Variants in UBL3 observed in about 807,000 individuals in gnomAD.
UBL3 encodes the protein ubiquitin-like protein 3.
UBL3 carries 6 observed loss-of-function variants against 18.4 expected under a neutral mutation model. The observed-to-expected ratio is 0.33, with a 90% CI of 0.18 to 0.64. UBL3 has a LOEUF of 0.64. Among genes scored for constraint, UBL3 ranks in the 30% least tolerant of loss-of-function variants. UBL3 has a pLI of 0.76. For synonymous variants in UBL3, 49 were observed against 46.6 expected, an observed-to-expected ratio of 1.05 and a Z score of -0.21; for missense variants, 109 against 142.9, an observed-to-expected ratio of 0.76 and a Z score of 1.21.
intron 2 of UBL3, among the ~76,000 whole-genome samples, chr13:29,772,471 A>G (rs1876869117): frequency 6.6e-6 from 1 of 152,246 alleles, no homozygotes; most frequent in Middle Eastern, 3.4e-3. Context: ...TAAAGTTAAT[A>G]CAAATGAGTT....
At chr13:29,829,383 C>T (rs1443088377) in intron 1 of UBL3, among the ~76,000 whole-genome samples, 1 of 152,254 alleles carries the variant, frequency 6.6e-6, no homozygotes, top group Non-Finnish European at 1.5e-5. Flanking sequence ...CAAGCCTCAG[C>T]AATGGCGGGC....
At chr13:29,814,910 G>A (rs1470900217) in intron 1 of UBL3, among the ~76,000 whole-genome samples, 1 of 152,254 alleles carries the variant, frequency 6.6e-6, no homozygotes, top group East Asian at 1.9e-4. Flanking sequence ...CTTCAGAAAT[G>A]TTTTGTCTAA....
chr13:29,837,639 T>C (rs1222374683), intron 1 of UBL3, among the ~76,000 whole-genome samples: 1 of 152,134 alleles, frequency 6.6e-6, no homozygotes. Context: ...CCTGTAATCA[T>C]GCCTGTAATC....
chr13:29,807,563 T>C (rs1403944579), intron 1 of UBL3, among the ~76,000 whole-genome samples: 1 of 152,206 alleles, frequency 6.6e-6, no homozygotes, highest in Admixed American at 6.5e-5. Context: ...AGAGCTCCTT[T>C]TTATTCAGTA....
At chr13:29,778,795 T>C (rs1414910306) in intron 1 of UBL3, among the ~76,000 whole-genome samples, 2 of 152,188 alleles carry the variant, frequency 1.3e-5, no homozygotes, top group East Asian at 1.9e-4. Flanking sequence ...ATATCTCCCC[T>C]ATAAAAATGC....
intron 1 of UBL3, among the ~76,000 whole-genome samples, chr13:29,812,831 A>G (rs890886800): frequency 6.6e-6 from 1 of 152,070 alleles, no homozygotes; most frequent in Non-Finnish European, 1.5e-5. Flanking sequence ...AAGGTAAAAC[A>G]CTATCAATAA....
At chr13:29,820,169 C>CTTTTTTTTTTTT (rs36050662) in intron 1 of UBL3, among the ~76,000 whole-genome samples, 1 of 104,968 alleles carries the variant, frequency 9.5e-6, no homozygotes. Context: ...CTCAGAGTTC[C>CTTTTTTTTTTTT]TTTTTTTTTT....
At chr13:29,788,866 TGTGTGCGCGCGCGC>T (rs1877400736) in intron 1 of UBL3, among the ~76,000 whole-genome samples, 2 of 32,246 alleles carry the variant, frequency 6.2e-5, no homozygotes, top group Non-Finnish European at 1.8e-4. Flanking sequence ...TGTGTGTGTG[TGTGTGCGCGCGCGC>T]GCGCACGCGC....
At chr13:29,812,530 C>CCTAGG (rs1333196831) in intron 1 of UBL3, among the ~76,000 whole-genome samples, 3 of 151,944 alleles carry the variant, frequency 2.0e-5, no homozygotes, top group African/African-American at 7.2e-5. Flanking sequence ...GATGTGTACT[C>CCTAGG]CTAGGTAAGA....
chr13:29,823,848 C>A (rs1878544547), intron 1 of UBL3, among the ~76,000 whole-genome samples: 2 of 107,224 alleles, frequency 1.9e-5, no homozygotes, highest in Admixed American at 1.1e-4. Context: ...CTAATGCTAT[C>A]CCTCCCCCCT....
At chr13:29,838,109 C>G (rs73157164) in intron 1 of UBL3, among the ~76,000 whole-genome samples, 299 of 150,222 alleles carry the variant, frequency 2.0e-3, no homozygotes, top group Non-Finnish European at 3.3e-3. Context: ...TTTAAAACAG[C>G]CAAAGGAAAA....
Position 29,816,267 on chromosome 13 carries a change from A to C in UBL3, c.27+33245T>G, listed in dbSNP as rs372072730. 6.8e-4 allele frequency among the ~76,000 whole-genome samples: 103 copies of C among 152,264 alleles called. 2 individuals are homozygous for C. Among genetic ancestry groups the C allele is most frequent in the Middle Eastern group, 3.4e-3 (1 of 294 alleles). ...GAGTCCCTTCTCCTCAATTAAAGCAATATGGTATTGAAGAAACTGACTAAA... is the reference window on the plus strand; with the variant it reads ...GAGTCCCTTCTCCTCAATTAAAGCACTATGGTATTGAAGAAACTGACTAAA... On this transcript the variant is annotated intron_variant, in intron 1 of 4. Transcript: ENST00000380680.
At chr13:29,849,418 C>G (rs1202929292) in intron 1 of UBL3, 94 bp downstream of exon 1, 12 of 1,570,454 alleles carry the variant, frequency 7.6e-6, no homozygotes, top group Admixed American at 1.7e-5. Flanking sequence ...TTCGACAGTC[C>G]CCAGCAAATC....
chr13:29,816,087 C>T (rs985434097), intron 1 of UBL3, among the ~76,000 whole-genome samples: 3 of 151,924 alleles, frequency 2.0e-5, no homozygotes, highest in Non-Finnish European at 4.4e-5. Context: ...GATTTTTTTC[C>T]CCACTGTCAC....
chr13:29,775,589 A>G (rs1472668180), intron 2 of UBL3, among the ~76,000 whole-genome samples: 1 of 152,208 alleles, frequency 6.6e-6, no homozygotes, highest in Non-Finnish European at 1.5e-5. Context: ...GTTCAAAGGA[A>G]GAAAATAAAC....
intron 1 of UBL3, among the ~76,000 whole-genome samples, chr13:29,819,524 A>C (rs930506639): frequency 7.2e-5 from 11 of 152,242 alleles, no homozygotes; most frequent in Admixed American, 7.2e-4. Flanking sequence ...TACCAATCAC[A>C]GGACTAGAAG....
chr13:29,828,496 G>A (rs535711251), intron 1 of UBL3, among the ~76,000 whole-genome samples: 8 of 152,222 alleles, frequency 5.3e-5, no homozygotes, highest in East Asian at 3.9e-4. Flanking sequence ...CATTTGTCAC[G>A]TAGTTCTCAT....
chr13:29,817,599 T>C (rs1397731535), intron 1 of UBL3, among the ~76,000 whole-genome samples: 1 of 152,180 alleles, frequency 6.6e-6, no homozygotes, highest in African/African-American at 2.4e-5. Flanking sequence ...TTTTTTTCAA[T>C]GTAATCTGTA....
chr13:29,774,735 G>A (rs764253738), intron 2 of UBL3, among the ~76,000 whole-genome samples: 87 of 151,544 alleles, frequency 5.7e-4, no homozygotes, highest in Non-Finnish European at 1.1e-3. Flanking sequence ...GGGTCTAAAA[G>A]TCCTCTTCAA....
Sources: allele counts gnomAD v4.1 joint callset (sites outside exome capture counted in the v4.1 genomes callset), GRCh38; gene constraint gnomAD v4.1.1; transcripts MANE v1.5; gene names NCBI Gene and HGNC (gene_info 2026-07-23, HGNC 2026-07-21).